EYA1: variants seen among roughly 807,000 people sequenced by gnomAD.
The protein encoded by EYA1 is protein phosphatase EYA1.
Under a neutral mutation model 82.0 loss-of-function variants are expected in EYA1, and 16 were observed. That is an observed-to-expected ratio of 0.20 (90% confidence interval 0.13 to 0.30). The LOEUF is 0.30. EYA1 is among the 10% of genes least tolerant of loss of function. EYA1 has a pLI of 1.00. For missense variants in EYA1, 633 were observed against 730.7 expected, an observed-to-expected ratio of 0.87 and a Z score of 1.54; for synonymous variants, 261 against 264.4, an observed-to-expected ratio of 0.99 and a Z score of 0.12.
At position 71,408,435 on chromosome 8, in the gene EYA1, A is replaced by G. The variant is rs938573769; in HGVS notation, c.34-51924T>C. ...TAAAAGACACAGACTGGCAAGTTGG[A>G]TAAAGAGTGAAGACCCATCAGTGTG... On this transcript the variant is annotated intron_variant, in intron 2 of 18. Transcript: ENST00000643681. Among the ~76,000 whole-genome samples, 12 of 118,952 alleles carry G rather than the reference A, an allele frequency of 1.0e-4. 1 individual carries two copies. The highest frequency in any genetic ancestry group is 2.6e-4 in the Admixed American group (3 of 11,734). The allele number at this position is 118,952 out of a possible 152,430, so 78.0% of individuals were successfully genotyped here. A position where few individuals can be genotyped will look rare whatever the true frequency, so the allele number is the denominator to read the frequency against.
chr8:71,534,581 G>T (rs1447052019), intron 2 of EYA1, among the ~76,000 whole-genome samples: 2 of 152,158 alleles, frequency 1.3e-5, no homozygotes, highest in African/African-American at 4.8e-5. Context: ...ACACAACAGT[G>T]TTACTAAAGA....
Position 71,281,517 on chromosome 8 carries a change from T to C in EYA1, c.827-9620A>G, listed in dbSNP as rs527702043. ...AATCTGTGAAGATGGTGACTGCTGCTTGCACTCAGTCTTAAACATCTGAAA... is the reference window on the plus strand; with the variant it reads ...AATCTGTGAAGATGGTGACTGCTGCCTGCACTCAGTCTTAAACATCTGAAA... On this transcript the variant is annotated intron_variant, in intron 9 of 17. Transcript: ENST00000340726. 3.9e-5 allele frequency among the ~76,000 whole-genome samples: 6 copies of C among 152,392 alleles called. No individual in the cohort carries two copies. The East Asian group carries it at 9.6e-4, about 25-fold the overall frequency.
Position 71,219,211 on chromosome 8 carries a change from G to A in EYA1, c.1141-2188C>T, listed in dbSNP as rs1809585726. Among the ~76,000 whole-genome samples the A allele has an allele frequency of 2.0e-5, 3 of 152,158 alleles. No homozygotes were observed. In the South Asian group the frequency reaches 6.2e-4, roughly 32 times the overall value. ...TCCCAGGCTGAGGACTTCATTTGAA[G>A]TATTGTTCAATCTCTAGCTTAGCTC... On this transcript the variant is annotated intron_variant, in intron 12 of 17. Transcript: ENST00000340726.
At chr8:71,247,524 T>A (rs1465687595) in intron 11 of EYA1, among the ~76,000 whole-genome samples, 1 of 152,184 alleles carries the variant, frequency 6.6e-6, no homozygotes, top group East Asian at 1.9e-4. Context: ...ATTTTGTGTA[T>A]GATGATTCAT....
At chr8:71,546,613 T>G (rs1481074595) in intron 1 of EYA1, among the ~76,000 whole-genome samples, 1 of 151,432 alleles carries the variant, frequency 6.6e-6, no homozygotes. Flanking sequence ...ACAATTCCCC[T>G]GCCTCAGCCT....
intron 11 of EYA1, among the ~76,000 whole-genome samples, chr8:71,253,002 T>C (rs1275168850): frequency 3.3e-5 from 5 of 152,186 alleles, no homozygotes; most frequent in Admixed American, 3.3e-4. Flanking sequence ...TACATGGTTA[T>C]AAACAGGAAT....
At chr8:71,487,156 A>G (rs957794315) in intron 2 of EYA1, among the ~76,000 whole-genome samples, 5 of 151,924 alleles carry the variant, frequency 3.3e-5, no homozygotes, top group Admixed American at 3.3e-4. Context: ...TATTTGGACA[A>G]TGAGACTAAG....
chr8:71,331,267 CACACACACACACACACACATATATAT>C (rs1436444871), intron 4 of EYA1, among the ~76,000 whole-genome samples: 2 of 148,138 alleles, frequency 1.4e-5, no homozygotes, highest in Non-Finnish European at 3.0e-5. Context: ...CACACACACA[CACACACACACACACACACATATATAT>C]ACATATATAT....
intron 2 of EYA1, among the ~76,000 whole-genome samples, chr8:71,378,643 C>T (rs1445577204): frequency 6.6e-6 from 1 of 152,028 alleles, no homozygotes; most frequent in African/African-American, 2.4e-5. Context: ...AATGAAGACA[C>T]CAGAAAACTT....
At chr8:71,408,771 AT>A (rs1182571805) in intron 2 of EYA1, among the ~76,000 whole-genome samples, 2 of 140,232 alleles carry the variant, frequency 1.4e-5, no homozygotes, top group Non-Finnish European at 3.1e-5. Flanking sequence ...CACATTAATA[AT>A]GGGGGACTTT....
At chr8:71,493,346 G>A (rs1811159930) in intron 2 of EYA1, among the ~76,000 whole-genome samples, 1 of 152,202 alleles carries the variant, frequency 6.6e-6, no homozygotes, top group Non-Finnish European at 1.5e-5. Context: ...CAGCCCCACT[G>A]CCCTACCTCT....
intron 2 of EYA1, among the ~76,000 whole-genome samples, chr8:71,407,666 T>G (rs1830334459): frequency 1.7e-5 from 2 of 117,878 alleles, no homozygotes; most frequent in Admixed American, 1.6e-4. Context: ...AAGGGAAGTT[T>G]AGAGAAAAAA....
At chr8:71,340,732 T>G (rs1825028714) in intron 3 of EYA1, among the ~76,000 whole-genome samples, 1 of 152,214 alleles carries the variant, frequency 6.6e-6, no homozygotes, top group Admixed American at 6.5e-5. Context: ...TATAATAAAC[T>G]GCTTCATGAC....
chr8:71,538,738 G>A (rs1814911594), intron 1 of EYA1, among the ~76,000 whole-genome samples: 1 of 152,150 alleles, frequency 6.6e-6, no homozygotes, highest in African/African-American at 2.4e-5. Flanking sequence ...GACTATCCAG[G>A]TAGGCTAATC....
chr8:71,397,983 C>G (rs1421422536), intron 2 of EYA1, among the ~76,000 whole-genome samples: 9 of 152,140 alleles, frequency 5.9e-5, no homozygotes, highest in Non-Finnish European at 1.0e-4. Context: ...AGGCTTTGTT[C>G]ATTTCTTTTT....
chr8:71,494,335 C>T (rs1811253689), intron 2 of EYA1, among the ~76,000 whole-genome samples: 1 of 152,116 alleles, frequency 6.6e-6, no homozygotes, highest in East Asian at 1.9e-4. Flanking sequence ...CTTAAGAGTT[C>T]CAGTTTGCTT....
chr8:71,303,409 T>C (rs1435346601), intron 7 of EYA1, among the ~76,000 whole-genome samples: 1 of 142,614 alleles, frequency 7.0e-6, no homozygotes, highest in African/African-American at 2.5e-5. Flanking sequence ...ACTAATTATA[T>C]GTAAACTAGT....
At chr8:71,492,468 A>T (rs182544465) in intron 2 of EYA1, among the ~76,000 whole-genome samples, 11,260 of 137,940 alleles carry the variant, frequency 0.082, 1,385 homozygotes, top group African/African-American at 0.28. Flanking sequence ...ATTTATTATT[A>T]TTTTTTTTTT....
At chr8:71,201,428 C>A (rs1394468345) in intron 17 of EYA1, among the ~76,000 whole-genome samples, 1 of 151,974 alleles carries the variant, frequency 6.6e-6, no homozygotes, top group African/African-American at 2.4e-5. Context: ...CAGGTTCAAA[C>A]TAACTCTCTC....
Sources: allele counts gnomAD v4.1 joint callset (sites outside exome capture counted in the v4.1 genomes callset), GRCh38; gene constraint gnomAD v4.1.1; transcripts MANE v1.5; gene names NCBI Gene and HGNC (gene_info 2026-07-23, HGNC 2026-07-21).